PTPRT: variants seen among roughly 807,000 people sequenced by gnomAD.
PTPRT encodes the protein receptor-type tyrosine-protein phosphatase T.
A neutral mutation model predicts 176.8 loss-of-function variants in PTPRT; 56 were observed. The observed-to-expected ratio is 0.32, with a 90% CI of 0.26 to 0.40. The LOEUF is 0.40. Ranked by LOEUF, PTPRT falls within the 10% of genes least tolerant of loss-of-function variation. The pLI is 1.00. For synonymous variants in PTPRT, 783 were observed against 739.0 expected (o/e 1.06, Z -0.96); for missense variants, 1,540 against 1,908.2 (o/e 0.81, Z 3.60).
intron 15 of PTPRT, among the ~76,000 whole-genome samples, chr20:42,214,420 A>T (rs1402239461): frequency 6.6e-6 from 1 of 152,172 alleles, no homozygotes; most frequent in Non-Finnish European, 1.5e-5. Flanking sequence ...ATTCTGGGGC[A>T]TAGCTGGTGG....
At chr20:42,834,172 A>AT (rs1199122816) in intron 2 of PTPRT, among the ~76,000 whole-genome samples, 1 of 152,198 alleles carries the variant, frequency 6.6e-6, no homozygotes, top group Admixed American at 6.5e-5. Context: ...TAACAGCTCA[A>AT]TTTTTTAAAC....
chr20:42,149,181 C>T lies in PTPRT; in HGVS notation c.2683-7179G>A, dbSNP rs571802517. On this transcript the variant is annotated intron_variant, in intron 17 of 30. Transcript: ENST00000373187. ...AATGATAAGCAGATGCCAGCTTTGG[C>T]GAGAGCTGGGGAAGGAATGTTCCAT... 7.8e-4 allele frequency among the ~76,000 whole-genome samples: 119 copies of T among 152,196 alleles called. 1 individual carries two copies. Among genetic ancestry groups the T allele is most frequent in the South Asian group, 4.4e-3 (21 of 4,812 alleles).
chr20:43,146,465 T>C (rs1374719406), intron 1 of PTPRT, among the ~76,000 whole-genome samples: 2 of 152,026 alleles, frequency 1.3e-5, no homozygotes, highest in Non-Finnish European at 2.9e-5. Flanking sequence ...AGTTAGCCAA[T>C]TCCAGGAGAT....
chr20:43,058,623 T>A (rs1396833670), intron 1 of PTPRT, among the ~76,000 whole-genome samples: 2 of 152,164 alleles, frequency 1.3e-5, no homozygotes, highest in African/African-American at 2.4e-5. Context: ...AATAAACGCT[T>A]CATGCAAAAT....
intron 1 of PTPRT, among the ~76,000 whole-genome samples, chr20:42,913,213 G>T (rs1978513908): frequency 6.6e-6 from 1 of 152,166 alleles, no homozygotes; most frequent in African/African-American, 2.4e-5. Flanking sequence ...AAGTGCCACA[G>T]ACTGGGTGGC....
intron 1 of PTPRT, among the ~76,000 whole-genome samples, chr20:43,068,533 G>C (rs1486669464): frequency 6.7e-6 from 1 of 149,548 alleles, no homozygotes; most frequent in Admixed American, 6.6e-5. Flanking sequence ...AAGCCAATTA[G>C]GGAAGGGGAG....
chr20:43,095,477 A>G (rs1316387643), intron 1 of PTPRT, among the ~76,000 whole-genome samples: 1 of 151,996 alleles, frequency 6.6e-6, no homozygotes, highest in Non-Finnish European at 1.5e-5. Flanking sequence ...CTGGACACTC[A>G]AACCAGAAGG....
intron 7 of PTPRT, among the ~76,000 whole-genome samples, chr20:42,645,097 T>C (rs1355951987): frequency 1.3e-5 from 2 of 152,186 alleles, no homozygotes; most frequent in Non-Finnish European, 2.9e-5. Context: ...CTGTAGAATT[T>C]GGCTATAGAT....
intron 4 of PTPRT, among the ~76,000 whole-genome samples, chr20:42,775,112 C>T (rs1389347932): frequency 1.3e-5 from 2 of 152,212 alleles, no homozygotes; most frequent in Non-Finnish European, 2.9e-5. Flanking sequence ...TTCCTACTCA[C>T]TCCACACTGA....
chr20:42,709,574 T>C (rs1377911263), intron 6 of PTPRT, among the ~76,000 whole-genome samples: 1 of 152,212 alleles, frequency 6.6e-6, no homozygotes, highest in Non-Finnish European at 1.5e-5. Context: ...AATAGACCTT[T>C]TTTCTTTATA....
rs1456897278 is a variant in PTPRT, at chr20:42,687,614, G to A, written c.860-9455C>T. ...ACCTCCAAAGGAGGGGCTAGGAGAA[G>A]CTGGATTCTAAAGCTTTGGAATCAA... On this transcript the variant is annotated intron_variant, in intron 6 of 30. Transcript: ENST00000373187. 3 of 152,198 alleles carry A rather than the reference G, an allele frequency of 2.0e-5. No individual in the cohort carries two copies. In the East Asian group the frequency reaches 5.8e-4, roughly 29 times the overall value. The allele number at this position is 152,198 out of a possible 1,614,324, so 9.4% of individuals were successfully genotyped here.
chr20:42,293,073 C>T (rs768160369), intron 12 of PTPRT, among the ~76,000 whole-genome samples: 3 of 152,206 alleles, frequency 2.0e-5, no homozygotes, highest in African/African-American at 7.2e-5. Context: ...ATGAGATCTT[C>T]CTGGAAGGCA....
chr20:42,400,969 G>A (rs2058900569), intron 9 of PTPRT, among the ~76,000 whole-genome samples: 1 of 151,994 alleles, frequency 6.6e-6, no homozygotes. Context: ...GGCCAGATGT[G>A]GGTTTCGGGA....
At chr20:42,189,587 A>G (rs1260953098) in intron 16 of PTPRT, among the ~76,000 whole-genome samples, 1 of 152,220 alleles carries the variant, frequency 6.6e-6, no homozygotes, top group African/African-American at 2.4e-5. Context: ...GGTTCTATTT[A>G]TGCAGAAATC....
At position 43,115,227 on chromosome 20, in the gene PTPRT, G is replaced by T. The variant is rs144909551; in HGVS notation, c.88+74419C>A. On this transcript the variant is annotated intron_variant, in intron 1 of 30. Transcript: ENST00000373187. The stretch of plus-strand genomic sequence containing the variant: ...AATTCCAATATTCCTGCCCTAGAAG[G>T]CCCCACAGGAGCTGAGAAGGTGCCT... Among the ~76,000 whole-genome samples the T allele has an allele frequency of 4.0e-3, 615 of 152,234 alleles. 7 individuals carry two copies. Among genetic ancestry groups the T allele is most frequent in the African/African-American group, 0.014 (587 of 41,536 alleles).
intron 9 of PTPRT, among the ~76,000 whole-genome samples, chr20:42,437,570 C>CGTAT (rs2059273693): frequency 6.6e-6 from 1 of 152,006 alleles, no homozygotes; most frequent in African/African-American, 2.4e-5. Flanking sequence ...TATGTATGTA[C>CGTAT]GTATGTATGT....
chr20:42,612,427 C>T (rs545124245), intron 7 of PTPRT, among the ~76,000 whole-genome samples: 1 of 152,302 alleles, frequency 6.6e-6, no homozygotes, highest in African/African-American at 2.4e-5. Context: ...TGACAGAAGC[C>T]CAGGCAGCAG....
At chr20:42,287,178 G>C (rs2057244713) in intron 12 of PTPRT, among the ~76,000 whole-genome samples, 1 of 151,792 alleles carries the variant, frequency 6.6e-6, no homozygotes, top group South Asian at 2.1e-4. Flanking sequence ...CAGTACAGAG[G>C]TTCCTCAAAA....
chr20:42,336,241 A>G (rs1379647865), intron 11 of PTPRT, among the ~76,000 whole-genome samples: 1 of 152,220 alleles, frequency 6.6e-6, no homozygotes, highest in Non-Finnish European at 1.5e-5. Context: ...GCTTAACTAC[A>G]TTGGAAAGAA....
Sources: allele counts gnomAD v4.1 joint callset (sites outside exome capture counted in the v4.1 genomes callset), GRCh38; gene constraint gnomAD v4.1.1; transcripts MANE v1.5; gene names NCBI Gene and HGNC (gene_info 2026-07-23, HGNC 2026-07-21).